RAB28: variants seen among roughly 807,000 people sequenced by gnomAD.
RAB28 encodes RAB28, member RAS oncogene family, also known as ras-related protein Rab-28.
A neutral mutation model predicts 31.7 loss-of-function variants in RAB28; 24 were observed. That is an observed-to-expected ratio of 0.76 (90% CI 0.55 to 1.06). The LOEUF (loss-of-function observed/expected upper bound fraction) is 1.06, where lower values mean the gene tolerates loss of function less well. Among genes scored for constraint, RAB28 ranks in the 50% least tolerant of loss-of-function variants. The pLI, the probability that RAB28 is intolerant of heterozygous loss-of-function variation, is 0.00. For synonymous variants in RAB28, 100 were observed against 90.4 expected, an observed-to-expected ratio of 1.11 and a Z score of -0.60; for missense variants, 254 against 258.5, an observed-to-expected ratio of 0.98 and a Z score of 0.12.
intron 6 of RAB28, chr4:13,371,238 G>C (rs1728700884): frequency 3.0e-6 from 3 of 985,340 alleles, no homozygotes; most frequent in Non-Finnish European, 3.6e-6. Context: ...TGATTTACTA[G>C]GCACTCTGCC....
chr4:13,392,343 T>C (rs1442846822), intron 4 of RAB28, among the ~76,000 whole-genome samples: 1 of 152,206 alleles, frequency 6.6e-6, no homozygotes, highest in Non-Finnish European at 1.5e-5. Flanking sequence ...AAAGAAAATG[T>C]CCTAACAGTA....
intron 4 of RAB28, among the ~76,000 whole-genome samples, chr4:13,414,574 A>G (rs779825539): frequency 6.6e-6 from 1 of 152,236 alleles, no homozygotes; most frequent in Non-Finnish European, 1.5e-5. Flanking sequence ...TACAGTAAAC[A>G]GAAACATATG....
chr4:13,370,968 T>A (rs930611194), intron 6 of RAB28: 1 of 982,436 alleles, frequency 1.0e-6, no homozygotes, highest in Non-Finnish European at 1.2e-6. Context: ...ATTTTAGATT[T>A]AAACCTATCC....
Position 13,434,235 on chromosome 4 carries a change from G to A in RAB28, c.391+26464C>T, listed in dbSNP as rs111729677. Among the ~76,000 whole-genome samples the A allele has an allele frequency of 1.1e-3, 173 of 152,148 alleles. 2 individuals are homozygous for A. Among genetic ancestry groups the A allele is most frequent in the Middle Eastern group, 3.4e-3 (1 of 294 alleles). On this transcript the variant is annotated intron_variant, in intron 4 of 6. Coordinates refer to ENST00000330852, the MANE Select transcript of RAB28 (RefSeq NM_001017979.3). ...TACCACAATCAGTACCTGGGTGATGGGATCAATCATACCCCAAACCTAAGC... is the reference window on the plus strand; with the variant it reads ...TACCACAATCAGTACCTGGGTGATGAGATCAATCATACCCCAAACCTAAGC...
chr4:13,433,913 G>C (rs1481660051), intron 4 of RAB28, among the ~76,000 whole-genome samples: 1 of 152,080 alleles, frequency 6.6e-6, no homozygotes, highest in African/African-American at 2.4e-5. Flanking sequence ...AATCAACCTA[G>C]ATGCCCATCA....
At chr4:13,446,824 T>A (rs774040673) in intron 4 of RAB28, among the ~76,000 whole-genome samples, 16 of 152,066 alleles carry the variant, frequency 1.1e-4, no homozygotes, top group Non-Finnish European at 1.9e-4. Flanking sequence ...CTAGACTACA[T>A]CTTACCCTGG....
chr4:13,455,846 C>T (rs1401207227), intron 4 of RAB28, among the ~76,000 whole-genome samples: 1 of 152,208 alleles, frequency 6.6e-6, no homozygotes, highest in African/African-American at 2.4e-5. Context: ...CCAATCTGAT[C>T]TGGACAGGGG....
chr4:13,419,408 T>C (rs111867264), intron 4 of RAB28, among the ~76,000 whole-genome samples: 9,660 of 152,178 alleles, frequency 0.063, 731 homozygotes, highest in African/African-American at 0.18. Flanking sequence ...ACCTAATAGA[T>C]ATCTACAGAA....
chr4:13,405,913 G>T (rs950768155), intron 4 of RAB28, among the ~76,000 whole-genome samples: 1 of 151,928 alleles, frequency 6.6e-6, no homozygotes, highest in Non-Finnish European at 1.5e-5. Flanking sequence ...TATTTTTTAA[G>T]TTCAAAAATA....
chr4:13,406,575 A>C (rs1404054701), intron 4 of RAB28, among the ~76,000 whole-genome samples: 2 of 152,200 alleles, frequency 1.3e-5, no homozygotes, highest in African/African-American at 4.8e-5. Context: ...AGGAATCGCC[A>C]CACTGTCTTC....
chr4:13,378,277 C>T (rs549210234), intron 5 of RAB28, among the ~76,000 whole-genome samples: 138 of 152,078 alleles, frequency 9.1e-4, no homozygotes, highest in Non-Finnish European at 1.6e-3. Flanking sequence ...GAGAGTATTT[C>T]AAAGAGACGA....
chr4:13,403,677 C>T (rs1421006466), intron 4 of RAB28, among the ~76,000 whole-genome samples: 4 of 152,064 alleles, frequency 2.6e-5, no homozygotes, highest in South Asian at 2.1e-4. Flanking sequence ...TAAAGTGCCC[C>T]GGCGTACCAA....
intron 4 of RAB28, among the ~76,000 whole-genome samples, chr4:13,424,181 G>A (rs1024279961): frequency 5.9e-5 from 9 of 152,208 alleles, no homozygotes; most frequent in African/African-American, 1.7e-4. Flanking sequence ...ACTATATTTC[G>A]TAAAGTTGCC....
chr4:13,452,686 C>A (rs901107222), intron 4 of RAB28, among the ~76,000 whole-genome samples: 13 of 151,930 alleles, frequency 8.6e-5, no homozygotes, highest in Non-Finnish European at 1.5e-4. Flanking sequence ...TATCCTAACA[C>A]ATGGGTCAAT....
At chr4:13,433,342 C>A (rs937270897) in intron 4 of RAB28, among the ~76,000 whole-genome samples, 1 of 151,936 alleles carries the variant, frequency 6.6e-6, no homozygotes, top group South Asian at 2.1e-4. Flanking sequence ...TTTTGTACAG[C>A]AAAACTATCA....
In RAB28 at chr4:13,368,493, G is replaced by T; in HGVS notation, c.*65C>A. 1 of 1,533,634 alleles carries T rather than the reference G, an allele frequency of 6.5e-7. No individual in the cohort carries two copies. On this transcript the variant is annotated 3_prime_UTR_variant, in exon 7 of 7. Coordinates refer to ENST00000330852, the MANE Select transcript of RAB28 (RefSeq NM_001017979.3). ...TGGTCACTGATAAAACAAGTTCCTAGAAGTCCTCGGGCCCACCCAGAGGTG... is the reference window on the plus strand; with the variant it reads ...TGGTCACTGATAAAACAAGTTCCTATAAGTCCTCGGGCCCACCCAGAGGTG...
At chr4:13,407,648 T>C (rs1240393220) in intron 4 of RAB28, among the ~76,000 whole-genome samples, 1 of 152,250 alleles carries the variant, frequency 6.6e-6, no homozygotes, top group African/African-American at 2.4e-5. Context: ...GAGCATGGAA[T>C]GTTTTTCCAT....
chr4:13,453,135 T>C (rs1715066390), intron 4 of RAB28, among the ~76,000 whole-genome samples: 1 of 152,090 alleles, frequency 6.6e-6, no homozygotes, highest in Non-Finnish European at 1.5e-5. Context: ...TCTTTTTCCA[T>C]CCTTTCACTT....
intron 5 of RAB28, among the ~76,000 whole-genome samples, chr4:13,379,922 T>TA (rs570177745): frequency 5.9e-5 from 9 of 151,870 alleles, no homozygotes; most frequent in African/African-American, 1.9e-4. Flanking sequence ...AAGTACCACT[T>TA]AAAAAAAATG....
Sources: allele counts gnomAD v4.1 joint callset (sites outside exome capture counted in the v4.1 genomes callset), GRCh38; gene constraint gnomAD v4.1.1; transcripts MANE v1.5; gene names NCBI Gene and HGNC (gene_info 2026-07-23, HGNC 2026-07-21).